Variants in TRIO observed in about 807,000 individuals in gnomAD.
TRIO encodes the protein trio Rho guanine nucleotide exchange factor.
TRIO carries 58 observed loss-of-function variants against 351.9 expected under a neutral mutation model. That is an observed-to-expected ratio of 0.16 (90% CI 0.13 to 0.21). TRIO has a LOEUF of 0.21. Ranked by LOEUF, TRIO falls within the 10% of genes least tolerant of loss-of-function variation. TRIO has a pLI of 1.00. For synonymous variants in TRIO, 1,758 were observed against 1,595.7 expected (o/e 1.10, Z -2.42); for missense variants, 3,201 against 4,027.8 (o/e 0.79, Z 5.56).
chr5:14,506,764 G>A (rs998113575), intron 55 of TRIO, among the ~76,000 whole-genome samples: 1 of 152,156 alleles, frequency 6.6e-6, no homozygotes, highest in Non-Finnish European at 1.5e-5. Flanking sequence ...CTACAGCTCC[G>A]AGAAGCATGA....
At chr5:14,388,063 G>T (rs1746701780) in intron 23 of TRIO, 1 of 548,676 alleles carries the variant, frequency 1.8e-6, no homozygotes, top group African/African-American at 1.9e-5. Context: ...CCCTGTGCCT[G>T]TGTTTCATTT....
At chr5:14,216,005 G>C (rs757093827) in intron 1 of TRIO, among the ~76,000 whole-genome samples, 8 of 152,096 alleles carry the variant, frequency 5.3e-5, no homozygotes, top group Middle Eastern at 6.3e-3. Flanking sequence ...TTCTCTGTGC[G>C]TTAGTTTCCT....
intron 11 of TRIO, among the ~76,000 whole-genome samples, chr5:14,352,712 A>G (rs1399202809): frequency 1.3e-5 from 2 of 152,224 alleles, no homozygotes; most frequent in Non-Finnish European, 2.9e-5. Flanking sequence ...GTTAAAATGT[A>G]GCCTTGCTCC....
rs2152348024 is a variant in TRIO at position 14,374,265 on chromosome 5, C to T, written c.3253C>T (p.Leu1085=). 1 of 1,613,696 alleles carries T rather than the reference C, an allele frequency of 6.2e-7. No homozygotes were observed. Among genetic ancestry groups the T allele is most frequent in the Non-Finnish European group, 8.5e-7 (1 of 1,179,764 alleles). Residue 1085 remains leucine (L), a synonymous_variant, in exon 19 of 57, where the codon CTG becomes TTG. Transcript: ENST00000344204. The part of the protein sequence containing the change: ...TLARRNADVF[L]KYLHRNSVNM... ...TGCTCGGAGGAATGCAGACGTCTTC[C>T]TGAAATACCTGCACAGGAACAGCGT...
At position 14,475,210 on chromosome 5, in the gene TRIO, G is replaced by T. The variant is rs138408093; in HGVS notation, c.6083+1113G>T. Among the ~76,000 whole-genome samples, 1,437 of 152,208 alleles carry T rather than the reference G, an allele frequency of 9.4e-3. 23 individuals are homozygous for T. Among genetic ancestry groups the T allele is most frequent in the African/African-American group, 0.033 (1,374 of 41,484 alleles). ...CTTAATGCTGGCCACTGGTCTTCCA[G>T]TGGAATGTTCCAGATGCACTGTCTG... On this transcript the variant is annotated intron_variant, in intron 40 of 56. Transcript: ENST00000344204.
chr5:14,395,042 A>G (rs978003764), intron 28 of TRIO, among the ~76,000 whole-genome samples: 1 of 152,214 alleles, frequency 6.6e-6, no homozygotes, highest in African/African-American at 2.4e-5. Flanking sequence ...CCTAGGCTCG[A>G]CAACGGGAAG....
chr5:14,429,642 GAGAA>G (rs918182427), intron 34 of TRIO, among the ~76,000 whole-genome samples: 20 of 152,128 alleles, frequency 1.3e-4, no homozygotes, highest in African/African-American at 4.8e-4. Context: ...TTCTAAATAA[GAGAA>G]AGAAAAATTT....
At chr5:14,499,712 GA>G (rs1285939815) in intron 53 of TRIO, among the ~76,000 whole-genome samples, 1 of 151,774 alleles carries the variant, frequency 6.6e-6, no homozygotes, top group Non-Finnish European at 1.5e-5. Context: ...TTACACAGGT[GA>G]TTTTTTTTTT....
chr5:14,280,152 C>T (rs1404573559), intron 2 of TRIO, among the ~76,000 whole-genome samples, 170 bp from the exon 3 acceptor site: 1 of 152,200 alleles, frequency 6.6e-6, no homozygotes, highest in African/African-American at 2.4e-5. Context: ...TCTCCCAGAT[C>T]CCCTGAAGGG....
chr5:14,372,238 A>G (rs1745177519), intron 18 of TRIO, among the ~76,000 whole-genome samples: 1 of 90,976 alleles, frequency 1.1e-5, no homozygotes, highest in Non-Finnish European at 2.2e-5. Flanking sequence ...GGGGGAAGAA[A>G]GAGAGGCGGG....
intron 1 of TRIO, among the ~76,000 whole-genome samples, chr5:14,159,419 G>T (rs1208910716): frequency 6.6e-6 from 1 of 152,004 alleles, no homozygotes; most frequent in Non-Finnish European, 1.5e-5. Flanking sequence ...CTGAAAAAGT[G>T]GAAACTGATG....
chr5:14,327,676 A>G lies in TRIO; in HGVS notation c.1732-3102A>G, dbSNP rs146479364. Among the ~76,000 whole-genome samples, 310 of 152,354 alleles carry G rather than the reference A, an allele frequency of 2.0e-3. 5 individuals carry two copies. The highest frequency in any genetic ancestry group is 0.018 in the Admixed American group (282 of 15,308). ...TACCGAATATATTATATAATTTAAA[A>G]AAAAGTCTCCTTAGCCCTCCTGTAG... is the stretch of plus-strand genomic sequence containing the variant. On this transcript the variant is annotated intron_variant, in intron 9 of 56. Transcript: ENST00000344204.
chr5:14,397,964 C>T (rs144880915), intron 29 of TRIO, among the ~76,000 whole-genome samples: 1 of 152,242 alleles, frequency 6.6e-6, no homozygotes, highest in East Asian at 1.9e-4. Flanking sequence ...TGTTTCAAGA[C>T]CATGCCAACA....
chr5:14,346,668 A>G lies in TRIO; in HGVS notation c.2046+9941A>G, dbSNP rs1742446597. Among the ~76,000 whole-genome samples the G allele has an allele frequency of 2.6e-5, 4 of 152,234 alleles. 1 individual carries two copies. Among genetic ancestry groups the G allele is most frequent in the South Asian group, 4.1e-4 (2 of 4,836 alleles). On this transcript the variant is annotated intron_variant, in intron 11 of 56. Transcript: ENST00000344204. ...ATGTGTTAACTTTATTTTGTTCTCT[A>G]CTAGGTTTCTGGCTTGAGGAAGGAC...
At chr5:14,293,916 T>G (rs984770795) in intron 6 of TRIO, among the ~76,000 whole-genome samples, 1 of 152,078 alleles carries the variant, frequency 6.6e-6, no homozygotes, top group Non-Finnish European at 1.5e-5. Flanking sequence ...AAGCCAGCCT[T>G]GTGAGGATTG....
intron 49 of TRIO, among the ~76,000 whole-genome samples, chr5:14,495,329 C>G (rs1756801777): frequency 6.6e-6 from 1 of 152,166 alleles, no homozygotes; most frequent in Non-Finnish European, 1.5e-5. Context: ...AGGCTATGAA[C>G]ACTGTTGAAA....
intron 1 of TRIO, among the ~76,000 whole-genome samples, chr5:14,229,637 G>A (rs1412862214): frequency 6.6e-6 from 1 of 152,144 alleles, no homozygotes; most frequent in Non-Finnish European, 1.5e-5. Flanking sequence ...GGGTCCAGGT[G>A]GTTCTTCTCT....
chr5:14,300,736 A>G (rs1407898530), intron 7 of TRIO, among the ~76,000 whole-genome samples: 2 of 152,176 alleles, frequency 1.3e-5, no homozygotes, highest in African/African-American at 2.4e-5. Flanking sequence ...GGATTTGGCC[A>G]TGTTTCCCAA....
At chr5:14,502,802 C>G (rs1757391134) in intron 54 of TRIO, 145 bp downstream of exon 54, 1 of 805,262 alleles carries the variant, frequency 1.2e-6, no homozygotes, top group Non-Finnish European at 2.0e-6. Flanking sequence ...CTCTCATTGC[C>G]TTTAGACGCT....
Sources: gnomAD v4.1 joint callset for allele counts (sites outside exome capture counted in the v4.1 genomes callset) on GRCh38, gnomAD v4.1.1 for gene constraint, MANE v1.5 for transcripts, NCBI Gene and HGNC (gene_info 2026-07-23, HGNC 2026-07-21) for gene names.